The following SPATS2L variants were observed in gnomAD, a reference collection of about 807,000 sequenced individuals.
SPATS2L encodes the protein SPATS2-like protein.
A neutral mutation model predicts 59.6 loss-of-function variants in SPATS2L; 30 were observed. That is an observed-to-expected ratio of 0.50 (90% confidence interval 0.38 to 0.68). The LOEUF is 0.68. Among genes scored for constraint, SPATS2L ranks in the 30% least tolerant of loss-of-function variants. SPATS2L has a pLI of 0.00. For synonymous variants in SPATS2L, 252 were observed against 263.5 expected, an observed-to-expected ratio of 0.96 and a Z score of 0.42; for missense variants, 615 against 700.0, an observed-to-expected ratio of 0.88 and a Z score of 1.37.
At chr2:200,448,230 T>C (rs1399737945) in intron 8 of SPATS2L, among the ~76,000 whole-genome samples, 1 of 152,078 alleles carries the variant, frequency 6.6e-6, no homozygotes, top group Non-Finnish European at 1.5e-5. Context: ...TCACTTGAGG[T>C]CAGGAGTTAG....
intron 3 of SPATS2L, 126 bp downstream of exon 3, chr2:200,389,409 A>G: frequency 1.6e-6 from 1 of 617,518 alleles, no homozygotes; most frequent in Non-Finnish European, 2.9e-6. Context: ...TAAGTTTGCC[A>G]CAACAGTAAA....
chr2:200,449,057 G>T (rs922313389), intron 8 of SPATS2L, among the ~76,000 whole-genome samples: 1 of 152,170 alleles, frequency 6.6e-6, no homozygotes, highest in Admixed American at 6.5e-5. Flanking sequence ...TTGTGACTAA[G>T]GCAAGTCCCT....
Position 200,309,079 on chromosome 2 carries a change from C to G in SPATS2L, c.-73+2157C>G. 7.0e-6 allele frequency: 5 copies of G among 717,980 alleles called. No homozygotes were observed. In the South Asian group the frequency reaches 7.4e-5, roughly 11 times the overall value. 44.5% of individuals were successfully genotyped at this position (717,980 alleles called of 1,614,324 possible). On this transcript the variant is annotated intron_variant, in intron 1 of 12. Transcript: ENST00000409140. The stretch of plus-strand genomic sequence containing the variant: ...TGCCAGTCTGAAGCATTTTATGGAC[C>G]CGTTTTGCCATGTAAGTGGTAAGCT...
chr2:200,363,157 A>G (rs1189152245), intron 2 of SPATS2L, among the ~76,000 whole-genome samples: 1 of 152,206 alleles, frequency 6.6e-6, no homozygotes, highest in Non-Finnish European at 1.5e-5. Flanking sequence ...AATGATAAAA[A>G]TTAAACTTTT....
intron 6 of SPATS2L, among the ~76,000 whole-genome samples, chr2:200,423,840 C>A (rs2083412453): frequency 6.6e-6 from 1 of 152,176 alleles, no homozygotes; most frequent in African/African-American, 2.4e-5. Context: ...TTTTATAACA[C>A]CTTGACATTC....
At chr2:200,401,274 C>T (rs2082518274) in intron 3 of SPATS2L, among the ~76,000 whole-genome samples, 2 of 152,120 alleles carry the variant, frequency 1.3e-5, no homozygotes, top group Admixed American at 1.3e-4. Context: ...ATGAGAGACC[C>T]TGAGGCAGAC....
chr2:200,317,821 A>G (rs997445318), intron 1 of SPATS2L, among the ~76,000 whole-genome samples: 3 of 152,238 alleles, frequency 2.0e-5, no homozygotes, highest in Non-Finnish European at 2.9e-5. Context: ...CTGATAGATT[A>G]CAAATAAAGC....
chr2:200,462,513 T>C (rs2086309602), intron 9 of SPATS2L, among the ~76,000 whole-genome samples: 1 of 152,196 alleles, frequency 6.6e-6, no homozygotes, highest in East Asian at 1.9e-4. Flanking sequence ...ACCTCAGCCC[T>C]GGGGAAGCCC....
intron 6 of SPATS2L, among the ~76,000 whole-genome samples, chr2:200,425,115 G>A (rs2083482786): frequency 1.3e-5 from 1 of 79,974 alleles, no homozygotes; most frequent in Non-Finnish European, 2.4e-5. Context: ...CCTTTAGAAT[G>A]TTAGTTCCCC....
At chr2:200,348,719 A>T (rs2080605729) in intron 2 of SPATS2L, among the ~76,000 whole-genome samples, 1 of 152,116 alleles carries the variant, frequency 6.6e-6, no homozygotes, top group Admixed American at 6.5e-5. Flanking sequence ...TAGGATAGGC[A>T]CACATGAGAA....
At chr2:200,341,856 T>A (rs1429608826) in intron 2 of SPATS2L, among the ~76,000 whole-genome samples, 1 of 151,310 alleles carries the variant, frequency 6.6e-6, no homozygotes, top group African/African-American at 2.4e-5. Context: ...CGCCCAGATA[T>A]TTTTTTTGTA....
intron 3 of SPATS2L, 64 bp from the exon 4 acceptor site, chr2:200,412,247 T>C (rs2082899769): frequency 1.0e-6 from 1 of 994,000 alleles, no homozygotes; most frequent in African/African-American, 1.7e-5. Flanking sequence ...CAGTGGGCAA[T>C]TCATAGATGA....
intron 2 of SPATS2L, among the ~76,000 whole-genome samples, chr2:200,374,987 ACACCATTGGAAGCATCTGG>A (rs1393866283): frequency 6.6e-6 from 1 of 152,236 alleles, no homozygotes; most frequent in Non-Finnish European, 1.5e-5. Flanking sequence ...TAATGCTTGT[ACACCATTGGAAGCATCTGG>A]TACTTTCTGA....
chr2:200,406,772 T>C (rs1453536173), intron 3 of SPATS2L, among the ~76,000 whole-genome samples: 3 of 152,242 alleles, frequency 2.0e-5, no homozygotes, highest in Non-Finnish European at 2.9e-5. Context: ...ATATCTGTTT[T>C]GTTACTGCTG....
At chr2:200,308,951 T>C (rs2079111074) in intron 1 of SPATS2L, 1 of 692,192 alleles carries the variant, frequency 1.4e-6, no homozygotes, top group African/African-American at 1.8e-5. Context: ...CCTGAGGCCA[T>C]TGTGGAGAGA....
intron 3 of SPATS2L, among the ~76,000 whole-genome samples, chr2:200,391,561 T>C (rs1322475391): frequency 2.0e-5 from 3 of 152,224 alleles, no homozygotes; most frequent in Non-Finnish European, 4.4e-5. Context: ...TAGGGCATTA[T>C]TCAGAGAGCA....
chr2:200,466,073 G>T (rs1001216506), intron 9 of SPATS2L, among the ~76,000 whole-genome samples: 4 of 152,172 alleles, frequency 2.6e-5, no homozygotes, highest in Non-Finnish European at 4.4e-5. Flanking sequence ...TCTAAAGAAT[G>T]GTTTATGATT....
upstream of SPATS2L, chr2:200,306,293 G>A (rs368941385): frequency 1.0e-4 from 101 of 1,002,360 alleles, no homozygotes; most frequent in South Asian, 2.7e-3. Context: ...ATTTTCTCGG[G>A]TAGGAGAAGA....
chr2:200,381,272 ACTG>A (rs146383636), intron 2 of SPATS2L, among the ~76,000 whole-genome samples: 2,254 of 152,248 alleles, frequency 0.015, 59 homozygotes, highest in African/African-American at 0.051. Context: ...ATAGCCTACT[ACTG>A]TACATCATTG....
Sources: allele counts gnomAD v4.1 joint callset (sites outside exome capture counted in the v4.1 genomes callset), GRCh38; gene constraint gnomAD v4.1.1; transcripts MANE v1.5; gene names NCBI Gene and HGNC (gene_info 2026-07-23, HGNC 2026-07-21).